TMEM232: variants seen among roughly 807,000 people sequenced by gnomAD.
The protein encoded by TMEM232 is transmembrane protein 232.
Under a neutral mutation model 78.8 loss-of-function variants are expected in TMEM232, and 80 were observed. That is an observed-to-expected ratio of 1.01 (90% CI 0.85 to 1.22). TMEM232 has a LOEUF of 1.22. TMEM232 is among the 50% of genes most tolerant of loss of function. The pLI is 0.00. For synonymous variants in TMEM232, 297 were observed against 254.3 expected, an observed-to-expected ratio of 1.17 and a Z score of -1.60; for missense variants, 881 against 742.2, an observed-to-expected ratio of 1.19 and a Z score of -2.17.
rs149199037 is a variant in TMEM232, at chr5:110,513,067, G to C, written c.1703+15521C>G. Among the ~76,000 whole-genome samples, 3 of 152,286 alleles carry C rather than the reference G, an allele frequency of 2.0e-5. No homozygotes were observed. In the East Asian group the frequency reaches 5.8e-4, roughly 29 times the overall value. On this transcript the variant is annotated intron_variant, in intron 12 of 13. Transcript: ENST00000455884. ...CCCATTGATGACACCCATAATTCCT[G>C]CTCAGACCAAGGTTCTGTTTCACCA... is the stretch of plus-strand genomic sequence containing the variant.
At chr5:110,389,268 C>CAAACAAAACA (rs1554071479) in intron 4 of TMEM232, among the ~76,000 whole-genome samples, 34 of 151,366 alleles carry the variant, frequency 2.2e-4, no homozygotes, top group African/African-American at 7.8e-4. Flanking sequence ...CTCAAACAAA[C>CAAACAAAACA]AAACAAAACA....
chr5:110,717,434 G>C (rs879808283), intron 1 of TMEM232, among the ~76,000 whole-genome samples: 5 of 152,068 alleles, frequency 3.3e-5, no homozygotes, highest in Non-Finnish European at 5.9e-5. Context: ...AACTATCAAA[G>C]TATTAACTCA....
At chr5:110,649,752 T>C (rs1315749786) in intron 2 of TMEM232, among the ~76,000 whole-genome samples, 6 of 152,136 alleles carry the variant, frequency 3.9e-5, no homozygotes, top group Non-Finnish European at 7.4e-5. Context: ...ATGCCTATTC[T>C]GTGGCATGCA....
intron 1 of TMEM232, among the ~76,000 whole-genome samples, chr5:110,706,146 C>A (rs1164777187): frequency 6.6e-6 from 1 of 151,946 alleles, no homozygotes; most frequent in East Asian, 1.9e-4. Flanking sequence ...AGCTGTACTC[C>A]CAGCAGCAAA....
At chr5:110,645,351 A>G (rs1375455738) in intron 2 of TMEM232, among the ~76,000 whole-genome samples, 1 of 151,590 alleles carries the variant, frequency 6.6e-6, no homozygotes, top group Non-Finnish European at 1.5e-5. Context: ...AGCAAATATA[A>G]TAACACATTA....
intron 11 of TMEM232, among the ~76,000 whole-genome samples, chr5:110,540,734 C>T (rs769333257): frequency 7.2e-5 from 11 of 152,194 alleles, no homozygotes; most frequent in Non-Finnish European, 1.3e-4. Flanking sequence ...GAATTCATTA[C>T]TCTTACCTGA....
intron 10 of TMEM232, 26 bp downstream of exon 10, chr5:110,605,083 A>G (rs1472584402): frequency 6.6e-7 from 1 of 1,505,430 alleles, no homozygotes; most frequent in Non-Finnish European, 8.9e-7. Context: ...AATATTACTC[A>G]TCAAAGTAAA....
chr5:110,511,592 G>A (rs1033605264), intron 12 of TMEM232, among the ~76,000 whole-genome samples: 1 of 151,792 alleles, frequency 6.6e-6, no homozygotes, highest in African/African-American at 2.4e-5. Flanking sequence ...TACAGTGCCA[G>A]GTACTGTAAT....
intron 12 of TMEM232, among the ~76,000 whole-genome samples, chr5:110,487,476 T>G (rs1403960995): frequency 1.3e-5 from 2 of 152,126 alleles, no homozygotes; most frequent in Non-Finnish European, 2.9e-5. Flanking sequence ...TACATTGAGG[T>G]AGGTCCCTTG....
chr5:110,434,728 C>T (rs980977146), intron 12 of TMEM232, among the ~76,000 whole-genome samples: 4 of 152,048 alleles, frequency 2.6e-5, no homozygotes, highest in Non-Finnish European at 4.4e-5. Flanking sequence ...AAACCAAATG[C>T]GGCAGCACAT....
chr5:110,528,891 A>C (rs545078582), intron 11 of TMEM232, 56 bp from the exon 12 acceptor site: 153 of 1,241,588 alleles, frequency 1.2e-4, no homozygotes, highest in African/African-American at 4.5e-4. Context: ...GGGAGAAAAA[A>C]AATCGTGTAT....
intron 2 of TMEM232, among the ~76,000 whole-genome samples, chr5:110,647,393 C>G (rs1190613948): frequency 6.6e-6 from 1 of 151,866 alleles, no homozygotes; most frequent in African/African-American, 2.4e-5. Flanking sequence ...TTCCTTTTGT[C>G]CAATTTTTAT....
At chr5:110,464,582 A>C (rs1761876978) in intron 12 of TMEM232, among the ~76,000 whole-genome samples, 1 of 152,216 alleles carries the variant, frequency 6.6e-6, no homozygotes, top group African/African-American at 2.4e-5. Flanking sequence ...GCTCAAATTT[A>C]TTCAGGTGTA....
chr5:110,394,657 T>A lies in TMEM232; in HGVS notation n.390+3116A>T, dbSNP rs955581640. The stretch of plus-strand genomic sequence containing the variant: ...GTCACAACTGTTTGTTTCAAGAAAA[T>A]TTTTTCATTTCCTATTTTATCTCTT... On this transcript the variant is annotated intron_variant and non_coding_transcript_variant, in intron 3 of 8. Coordinates refer to the TMEM232 transcript ENST00000507188. 1.7e-4 allele frequency among the ~76,000 whole-genome samples: 26 copies of A among 152,156 alleles called. 1 individual carries two copies. The highest frequency in any genetic ancestry group is 1.3e-3 in the Admixed American group (20 of 15,266).
At chr5:110,581,160 A>C (rs1204035239) in intron 10 of TMEM232, among the ~76,000 whole-genome samples, 1 of 151,944 alleles carries the variant, frequency 6.6e-6, no homozygotes, top group East Asian at 1.9e-4. Context: ...TAGAAAAAAA[A>C]CACAATTCTA....
chr5:110,655,061 A>C (rs1402547609), intron 2 of TMEM232, among the ~76,000 whole-genome samples: 1 of 152,114 alleles, frequency 6.6e-6, no homozygotes, highest in African/African-American at 2.4e-5. Flanking sequence ...AATGGGATCT[A>C]ATTAAACTAA....
At chr5:110,553,607 G>A (rs1324412295) in intron 11 of TMEM232, among the ~76,000 whole-genome samples, 1 of 152,104 alleles carries the variant, frequency 6.6e-6, no homozygotes, top group Non-Finnish European at 1.5e-5. Context: ...TACTTTATGA[G>A]ATCTAAAAGT....
At chr5:110,440,339 CT>C (rs1279339183) in intron 12 of TMEM232, among the ~76,000 whole-genome samples, 1 of 152,148 alleles carries the variant, frequency 6.6e-6, no homozygotes, top group African/African-American at 2.4e-5. Flanking sequence ...GTTCTCACCT[CT>C]GTTCTCTGTT....
chr5:110,516,238 C>G (rs1768626587), intron 12 of TMEM232, among the ~76,000 whole-genome samples: 1 of 152,038 alleles, frequency 6.6e-6, no homozygotes, highest in Non-Finnish European at 1.5e-5. Context: ...GACTCTGTCC[C>G]CCGCAGCCCA....
Sources: gnomAD v4.1 joint callset for allele counts (sites outside exome capture counted in the v4.1 genomes callset) on GRCh38, gnomAD v4.1.1 for gene constraint, MANE v1.5 for transcripts, NCBI Gene and HGNC (gene_info 2026-07-23, HGNC 2026-07-21) for gene names.